CSMD1: variants seen among roughly 807,000 people sequenced by gnomAD.
The protein encoded by CSMD1 is CUB and Sushi multiple domains 1.
Under a neutral mutation model 417.5 loss-of-function variants are expected in CSMD1, and 213 were observed. The observed-to-expected ratio is 0.51, with a 90% confidence interval of 0.46 to 0.57. CSMD1 has a LOEUF of 0.57. Among genes scored for constraint, CSMD1 ranks in the 20% least tolerant of loss-of-function variants. CSMD1 has a pLI of 0.00. For synonymous variants in CSMD1, 2,862 were observed against 1,736.8 expected (o/e 1.65, Z -16.11); for missense variants, 6,923 against 4,529.7 (o/e 1.53, Z -15.17).
chr8:3,582,535 T>C (rs1408687297), intron 9 of CSMD1, among the ~76,000 whole-genome samples: 1 of 152,146 alleles, frequency 6.6e-6, no homozygotes, highest in Non-Finnish European at 1.5e-5. Context: ...TGGTTTTTCA[T>C]AGTGAGGAAG....
rs1024416941 is a variant in CSMD1, at chr8:4,418,774, C to G, written c.415+1179G>C. 6.2e-5 allele frequency among the ~76,000 whole-genome samples: 4 copies of G among 64,794 alleles called. No individual in the cohort carries two copies. In the East Asian group the frequency reaches 3.8e-3, roughly 61 times the overall value. The allele number at this position is 64,794 out of a possible 152,430, so 42.5% of individuals were successfully genotyped here. ...TGATCTTCAATTAGCCTGCTGCTTT[C>G]CAAAGATTAACTTATTCCTTGATAG... On this transcript the variant is annotated intron_variant, in intron 3 of 69. Transcript: ENST00000635120.
intron 21 of CSMD1, among the ~76,000 whole-genome samples, chr8:3,357,498 T>G (rs1808870706): frequency 6.6e-6 from 1 of 152,222 alleles, no homozygotes; most frequent in Non-Finnish European, 1.5e-5. Flanking sequence ...TTCTTCCAAC[T>G]CTAGTTACTG....
chr8:3,911,446 T>C (rs990640849), intron 5 of CSMD1, among the ~76,000 whole-genome samples: 13 of 150,582 alleles, frequency 8.6e-5, no homozygotes, highest in African/African-American at 3.2e-4. Context: ...GAGAATGGCG[T>C]GAACCCGCGA....
At chr8:3,863,198 A>G (rs1386918207) in intron 5 of CSMD1, among the ~76,000 whole-genome samples, 1 of 152,040 alleles carries the variant, frequency 6.6e-6, no homozygotes, top group Non-Finnish European at 1.5e-5. Flanking sequence ...GGAGTTTGAG[A>G]CCAGCCTGGC....
At chr8:4,068,617 TATA>T (rs1414950036) in intron 3 of CSMD1, among the ~76,000 whole-genome samples, 1 of 152,164 alleles carries the variant, frequency 6.6e-6, no homozygotes, top group African/African-American at 2.4e-5. Context: ...ATCTAGTTCA[TATA>T]ATGTTACCAT....
intron 3 of CSMD1, among the ~76,000 whole-genome samples, chr8:4,054,756 G>C (rs1445154797): frequency 6.6e-6 from 1 of 152,046 alleles, no homozygotes; most frequent in Non-Finnish European, 1.5e-5. Flanking sequence ...TCATTCTCTG[G>C]GGGTTGATGA....
intron 3 of CSMD1, among the ~76,000 whole-genome samples, chr8:4,388,156 G>A (rs1166743163): frequency 1.3e-5 from 2 of 152,052 alleles, no homozygotes; most frequent in African/African-American, 4.8e-5. Context: ...TCTACCAACA[G>A]TCCCACTAAT....
intron 5 of CSMD1, among the ~76,000 whole-genome samples, chr8:3,760,138 G>C (rs2129055725): frequency 6.6e-6 from 1 of 152,178 alleles, no homozygotes; most frequent in Middle Eastern, 3.4e-3. Flanking sequence ...CTGAGAAAGG[G>C]TCTTCTTAAG....
intron 12 of CSMD1, among the ~76,000 whole-genome samples, chr8:3,425,730 G>C (rs568571172): frequency 6.6e-6 from 1 of 152,056 alleles, no homozygotes; most frequent in African/African-American, 2.4e-5. Context: ...AAGAAAATCT[G>C]GCTAGGTTCG....
intron 7 of CSMD1, among the ~76,000 whole-genome samples, chr8:3,646,613 C>T (rs745390767): frequency 6.6e-6 from 1 of 152,204 alleles, no homozygotes; most frequent in Non-Finnish European, 1.5e-5. Context: ...CAGGGAACCA[C>T]TAAAAATGAG....
At chr8:4,321,136 A>G (rs150306120) in intron 3 of CSMD1, among the ~76,000 whole-genome samples, 2 of 152,144 alleles carry the variant, frequency 1.3e-5, no homozygotes, top group African/African-American at 4.8e-5. Context: ...AGGCAGGAAG[A>G]GTGTCAAACC....
At chr8:3,029,763 G>C (rs1432309181) in intron 50 of CSMD1, among the ~76,000 whole-genome samples, 1 of 151,836 alleles carries the variant, frequency 6.6e-6, no homozygotes, top group Non-Finnish European at 1.5e-5. Context: ...ACTGTAAAGG[G>C]GGTAAATCAC....
intron 27 of CSMD1, among the ~76,000 whole-genome samples, chr8:3,229,548 A>G (rs989903475): frequency 2.0e-5 from 3 of 152,210 alleles, no homozygotes; most frequent in Non-Finnish European, 4.4e-5. Context: ...TTCAGAAACA[A>G]ACCTCCTTTT....
chr8:4,634,479 C>T (rs1241924356), intron 2 of CSMD1, among the ~76,000 whole-genome samples: 1 of 152,096 alleles, frequency 6.6e-6, no homozygotes, highest in Non-Finnish European at 1.5e-5. Context: ...TCAGTTAATG[C>T]ACATTTTAAA....
chr8:4,765,937 A>G (rs1302784078), intron 1 of CSMD1, among the ~76,000 whole-genome samples: 1 of 152,224 alleles, frequency 6.6e-6, no homozygotes, highest in East Asian at 1.9e-4. Context: ...AATCGAGCTT[A>G]GCTAATTCCA....
At chr8:4,014,732 C>T (rs1037975924) in intron 4 of CSMD1, among the ~76,000 whole-genome samples, 3 of 152,200 alleles carry the variant, frequency 2.0e-5, no homozygotes, top group Non-Finnish European at 2.9e-5. Context: ...GTAAACACTT[C>T]GCATGACTGC....
At chr8:3,538,229 A>G (rs1406226894) in intron 10 of CSMD1, among the ~76,000 whole-genome samples, 4 of 152,258 alleles carry the variant, frequency 2.6e-5, no homozygotes, top group Admixed American at 6.5e-5. Flanking sequence ...GGAACTGAGT[A>G]GCAATGGCAC....
intron 3 of CSMD1, among the ~76,000 whole-genome samples, chr8:4,087,492 G>T (rs965421076): frequency 6.6e-6 from 1 of 152,100 alleles, no homozygotes; most frequent in African/African-American, 2.4e-5. Context: ...CACCTGTAAT[G>T]AAACCTATTA....
intron 8 of CSMD1, among the ~76,000 whole-genome samples, chr8:3,590,138 G>A (rs926379755): frequency 6.6e-6 from 1 of 151,926 alleles, no homozygotes; most frequent in African/African-American, 2.4e-5. Flanking sequence ...AAGAAAAAAG[G>A]ACAATACAAA....
Sources: gnomAD v4.1 joint callset for allele counts (sites outside exome capture counted in the v4.1 genomes callset) on GRCh38, gnomAD v4.1.1 for gene constraint, MANE v1.5 for transcripts, NCBI Gene and HGNC (gene_info 2026-07-23, HGNC 2026-07-21) for gene names.